Variants in PRIM2 observed in about 807,000 individuals in gnomAD.
PRIM2 encodes DNA primase large subunit.
Under a neutral mutation model 67.3 loss-of-function variants are expected in PRIM2, and 39 were observed. That is an observed-to-expected ratio of 0.58 (90% CI 0.45 to 0.76). The LOEUF (loss-of-function observed/expected upper bound fraction) is 0.76. Ranked by LOEUF, PRIM2 falls within the 30% of genes least tolerant of loss-of-function variation. PRIM2 has a pLI of 0.00. For synonymous variants in PRIM2, 143 were observed against 198.7 expected (o/e 0.72, Z 2.36); for missense variants, 398 against 598.7 (o/e 0.66, Z 3.50).
At chr6:57,544,910 T>C (rs1775254315) in intron 10 of PRIM2, among the ~76,000 whole-genome samples, 1 of 152,196 alleles carries the variant, frequency 6.6e-6, no homozygotes, top group African/African-American at 2.4e-5. Context: ...TTCATAGATA[T>C]TATTTATTTA....
chr6:57,356,514 A>G (rs561723853), intron 5 of PRIM2, among the ~76,000 whole-genome samples: 1 of 152,362 alleles, frequency 6.6e-6, no homozygotes, highest in East Asian at 1.9e-4. Context: ...GTAATAAGTT[A>G]TAAGAACTTC....
chr6:57,558,786 G>A (rs1421863042), intron 10 of PRIM2, among the ~76,000 whole-genome samples: 1 of 152,080 alleles, frequency 6.6e-6, no homozygotes. Flanking sequence ...TCAGGGTTCA[G>A]TTTTCTAATC....
intron 7 of PRIM2, chr6:57,383,361 TG>T (rs905189991): frequency 2.6e-5 from 4 of 152,150 alleles, no homozygotes; most frequent in African/African-American, 9.7e-5. Flanking sequence ...TAGTTTTAGC[TG>T]TCATCTATTA....
At chr6:57,497,212 C>T (rs1339636481) in intron 7 of PRIM2, among the ~76,000 whole-genome samples, 1 of 152,054 alleles carries the variant, frequency 6.6e-6, no homozygotes, top group African/African-American at 2.4e-5. Context: ...ATAAAGGTTA[C>T]CTGTTGTTCA....
At chr6:57,327,081 T>C (rs1767890655) in intron 5 of PRIM2, among the ~76,000 whole-genome samples, 1 of 151,860 alleles carries the variant, frequency 6.6e-6, no homozygotes, top group South Asian at 2.1e-4. Context: ...TTTTTGTATT[T>C]TTAGAGACGT....
At chr6:57,236,678 T>A in the PRIM2 span, among the ~76,000 whole-genome samples, 1 of 152,146 alleles carries the variant, frequency 6.6e-6, no homozygotes, top group African/African-American at 2.4e-5. Context: ...TGGTTTTTTG[T>A]CCTTGTGATA....
At chr6:57,630,646 T>G in intron 12 of PRIM2, among the ~76,000 whole-genome samples, 1 of 152,048 alleles carries the variant, frequency 6.6e-6, no homozygotes, top group East Asian at 1.9e-4. Flanking sequence ...TTTCTGTGAA[T>G]CCATTTCTTC....
chr6:57,298,953 A>G, the PRIM2 span, among the ~76,000 whole-genome samples: 1 of 151,732 alleles, frequency 6.6e-6, no homozygotes, highest in African/African-American at 2.4e-5. Flanking sequence ...ACTTCACACT[A>G]TTTCTTACAC....
At chr6:57,595,672 A>G (rs1374279741) in intron 10 of PRIM2, among the ~76,000 whole-genome samples, 2 of 152,150 alleles carry the variant, frequency 1.3e-5, no homozygotes, top group Non-Finnish European at 2.9e-5. Flanking sequence ...TCAGTTTATT[A>G]TAAAGGATGT....
the PRIM2 span, among the ~76,000 whole-genome samples, chr6:57,295,789 T>C: frequency 6.6e-6 from 1 of 152,174 alleles, no homozygotes; most frequent in African/African-American, 2.4e-5. Flanking sequence ...TGTCATCTTC[T>C]TCCTACAAAT....
intron 10 of PRIM2, among the ~76,000 whole-genome samples, chr6:57,565,360 T>A (rs1775717606): frequency 6.7e-6 from 1 of 148,838 alleles, no homozygotes; most frequent in Non-Finnish European, 1.5e-5. Context: ...TATAAAGATA[T>A]TTTTTATGAG....
intron 10 of PRIM2, among the ~76,000 whole-genome samples, chr6:57,546,195 G>T (rs1477610690): frequency 6.6e-6 from 1 of 152,144 alleles, no homozygotes; most frequent in Non-Finnish European, 1.5e-5. Flanking sequence ...AATTAATTTC[G>T]CCTAACTTTG....
intron 12 of PRIM2, among the ~76,000 whole-genome samples, chr6:57,628,734 T>C (rs1776996269): frequency 6.6e-6 from 1 of 152,106 alleles, no homozygotes; most frequent in Non-Finnish European, 1.5e-5. Context: ...TGAGAACATG[T>C]GGTATTTGAT....
intron 12 of PRIM2, 127 bp downstream of exon 12, chr6:57,606,584 C>T: frequency 1.7e-6 from 1 of 575,978 alleles, no homozygotes; most frequent in South Asian, 2.4e-5. Flanking sequence ...ATCTTATCTT[C>T]AAGATGAATT....
chr6:57,370,715 G>A (rs1769522458), intron 5 of PRIM2, among the ~76,000 whole-genome samples: 1 of 112,550 alleles, frequency 8.9e-6, no homozygotes, highest in East Asian at 2.8e-4. Flanking sequence ...TTTTTTTTGA[G>A]ATGGAGTCTC....
At chr6:57,447,364 A>G (rs1772401707) in intron 7 of PRIM2, among the ~76,000 whole-genome samples, 1 of 152,224 alleles carries the variant, frequency 6.6e-6, no homozygotes, top group Admixed American at 6.5e-5. Context: ...TTGAAGAACA[A>G]AGTAACACCT....
the PRIM2 span, among the ~76,000 whole-genome samples, chr6:57,306,198 T>C: frequency 5.9e-5 from 9 of 152,174 alleles, no homozygotes; most frequent in Admixed American, 5.2e-4. Flanking sequence ...GCAAAGATAT[T>C]GGATTAAACC....
intron 7 of PRIM2, among the ~76,000 whole-genome samples, chr6:57,498,865 A>G (rs1156940893): frequency 6.6e-6 from 1 of 152,114 alleles, no homozygotes; most frequent in Non-Finnish European, 1.5e-5. Context: ...CATTTACCAT[A>G]TTTGCTTACG....
At chr6:57,256,269 G>A in the PRIM2 span, among the ~76,000 whole-genome samples, 1 of 152,028 alleles carries the variant, frequency 6.6e-6, no homozygotes, top group South Asian at 2.1e-4. Context: ...ATTTCCTGAG[G>A]CCCTACCATA....
Sources: allele counts gnomAD v4.1 joint callset (sites outside exome capture counted in the v4.1 genomes callset), GRCh38; gene constraint gnomAD v4.1.1; transcripts MANE v1.5; gene names NCBI Gene and HGNC (gene_info 2026-07-23, HGNC 2026-07-21).